The following FSTL5 variants were observed in gnomAD, a reference collection of about 807,000 sequenced individuals.
The protein encoded by FSTL5 is follistatin like 5, also known as follistatin-related protein 5.
A neutral mutation model predicts 89.1 loss-of-function variants in FSTL5; 62 were observed. The ratio of observed to expected loss-of-function variants is 0.70; its 90% CI spans 0.57 to 0.86. FSTL5 has a LOEUF of 0.86. Among genes scored for constraint, FSTL5 ranks in the 40% least tolerant of loss-of-function variants. The pLI is 0.00. For synonymous variants in FSTL5, 383 were observed against 346.2 expected (o/e 1.11, Z -1.18); for missense variants, 1,057 against 1,001.6 (o/e 1.06, Z -0.75).
chr4:161,488,508 G>C (rs910351070), intron 12 of FSTL5, among the ~76,000 whole-genome samples: 1 of 151,956 alleles, frequency 6.6e-6, no homozygotes, highest in Non-Finnish European at 1.5e-5. Flanking sequence ...TAGTGTATTA[G>C]AGAGGTTAAA....
intron 4 of FSTL5, among the ~76,000 whole-genome samples, chr4:161,794,771 G>T (rs1330556855): frequency 6.6e-6 from 1 of 151,926 alleles, no homozygotes; most frequent in Non-Finnish European, 1.5e-5. Flanking sequence ...TCTATTACCT[G>T]CAGTTTCTTG....
At chr4:161,809,768 A>G (rs1296287981) in intron 4 of FSTL5, among the ~76,000 whole-genome samples, 1 of 152,230 alleles carries the variant, frequency 6.6e-6, no homozygotes, top group African/African-American at 2.4e-5. Context: ...TATATAACCT[A>G]CCAAGAATAG....
intron 12 of FSTL5, among the ~76,000 whole-genome samples, chr4:161,486,353 A>G (rs1729678017): frequency 6.6e-6 from 1 of 152,086 alleles, no homozygotes; most frequent in South Asian, 2.1e-4. Context: ...CATGTTTCTT[A>G]GGCAGACACT....
At chr4:162,016,626 T>C (rs1229751776) in intron 3 of FSTL5, among the ~76,000 whole-genome samples, 1 of 152,202 alleles carries the variant, frequency 6.6e-6, no homozygotes, top group Non-Finnish European at 1.5e-5. Flanking sequence ...TTAGTCTTCT[T>C]ATTAAATTTC....
chr4:161,993,844 T>C (rs190189404), intron 3 of FSTL5, among the ~76,000 whole-genome samples: 44 of 152,306 alleles, frequency 2.9e-4, no homozygotes, highest in African/African-American at 1.0e-3. Flanking sequence ...TAATGTGGAA[T>C]ATATGATTGA....
intron 3 of FSTL5, among the ~76,000 whole-genome samples, chr4:161,947,766 T>G (rs1001560013): frequency 6.6e-6 from 1 of 152,144 alleles, no homozygotes; most frequent in Non-Finnish European, 1.5e-5. Flanking sequence ...AAAAAAAGTC[T>G]TCTAGAATTT....
intron 1 of FSTL5, among the ~76,000 whole-genome samples, chr4:162,147,577 G>T (rs936998218): frequency 6.6e-6 from 1 of 152,174 alleles, no homozygotes; most frequent in East Asian, 1.9e-4. Flanking sequence ...CCTCATACAG[G>T]TCACATTTTT....
chr4:161,727,870 T>C (rs913431839), intron 6 of FSTL5, among the ~76,000 whole-genome samples: 3 of 152,078 alleles, frequency 2.0e-5, no homozygotes, highest in African/African-American at 7.2e-5. Flanking sequence ...GAGGAAAGGG[T>C]GTTCAAGAGT....
At chr4:161,832,254 A>G (rs1338938571) in intron 4 of FSTL5, among the ~76,000 whole-genome samples, 1 of 152,108 alleles carries the variant, frequency 6.6e-6, no homozygotes, top group Non-Finnish European at 1.5e-5. Flanking sequence ...AATGAGCTGT[A>G]CAATAGGACA....
intron 6 of FSTL5, among the ~76,000 whole-genome samples, chr4:161,666,753 G>T (rs1736909671): frequency 6.6e-6 from 1 of 152,068 alleles, no homozygotes; most frequent in African/African-American, 2.4e-5. Flanking sequence ...CCAGTAGAAA[G>T]AAAAGTTCTG....
Position 161,500,118 on chromosome 4 carries a change from G to C in FSTL5, c.1356C>G (p.Asn452Lys). 1 of 1,593,478 alleles carries C rather than the reference G, an allele frequency of 6.3e-7. No homozygotes were observed. Among genetic ancestry groups the C allele is most frequent in the South Asian group, 1.1e-5 (1 of 89,224 alleles). ...CATCTTCATAAAAAACATAGAACAT[G>C]TTCCCAATTCCCAGACCTTAGGAAT... is the stretch of plus-strand genomic sequence containing the variant. ...LWREEGLGIG[N>K]MFYVFYEDGI... The change falls in exon 12 of 16, where the codon AAC (asparagine) becomes AAG (lysine). Residue 452 changes from asparagine to lysine, a missense_variant. Asn to Lys is a moderately conservative substitution (Grantham distance 94, BLOSUM62 0). Transcript: ENST00000306100.
intron 4 of FSTL5, among the ~76,000 whole-genome samples, chr4:161,822,980 G>C (rs1458303941): frequency 6.6e-6 from 1 of 152,168 alleles, no homozygotes; most frequent in African/African-American, 2.4e-5. Flanking sequence ...ATCCTGATGA[G>C]TGTCCACCTC....
At chr4:161,681,016 A>T (rs1737500256) in intron 6 of FSTL5, among the ~76,000 whole-genome samples, 1 of 152,074 alleles carries the variant, frequency 6.6e-6, no homozygotes. Context: ...TCTAGAAATC[A>T]AACTGAATTG....
At position 161,915,414 on chromosome 4, in the gene FSTL5, C is replaced by T. The variant is rs1340166622; in HGVS notation, c.409+4990G>A. ...GTCCTAATGTCTAATATCCCAAAAT[C>T]CCAAAATGAGTGATGAGTCTGCCTA... On this transcript the variant is annotated intron_variant, in intron 4 of 15. Transcript: ENST00000306100. 2.0e-5 allele frequency among the ~76,000 whole-genome samples: 3 copies of T among 151,648 alleles called. No homozygotes were observed. The East Asian group carries it at 5.8e-4, about 29-fold the overall frequency.
At chr4:161,458,056 C>G (rs76331906) in intron 14 of FSTL5, among the ~76,000 whole-genome samples, 1 of 152,176 alleles carries the variant, frequency 6.6e-6, no homozygotes, top group Non-Finnish European at 1.5e-5. Flanking sequence ...GCAGTGTGAG[C>G]GTCACATGCA....
intron 6 of FSTL5, among the ~76,000 whole-genome samples, chr4:161,717,670 TA>T (rs925339589): frequency 2.4e-4 from 37 of 152,104 alleles, no homozygotes; most frequent in African/African-American, 6.7e-4. Context: ...AACTTTTATG[TA>T]AAAAAAACTC....
At chr4:161,892,835 A>C (rs1027513452) in intron 4 of FSTL5, among the ~76,000 whole-genome samples, 3 of 152,164 alleles carry the variant, frequency 2.0e-5, no homozygotes, top group Non-Finnish European at 2.9e-5. Context: ...TGAATATTTT[A>C]CACGTTAGTC....
chr4:161,957,292 A>C (rs1410675739), intron 3 of FSTL5, among the ~76,000 whole-genome samples: 4 of 152,082 alleles, frequency 2.6e-5, no homozygotes, highest in Non-Finnish European at 5.9e-5. Context: ...CTAACTTTTG[A>C]GTTAATGTAA....
chr4:162,070,800 C>T (rs575703545), intron 2 of FSTL5, among the ~76,000 whole-genome samples: 20 of 151,826 alleles, frequency 1.3e-4, no homozygotes, highest in Middle Eastern at 3.4e-3. Context: ...ATTCTATACC[C>T]ATCAAGGCTA....
Sources: allele counts gnomAD v4.1 joint callset (sites outside exome capture counted in the v4.1 genomes callset), GRCh38; gene constraint gnomAD v4.1.1; transcripts MANE v1.5; gene names NCBI Gene and HGNC (gene_info 2026-07-23, HGNC 2026-07-21).